The following SP100 variants were observed in gnomAD, a reference collection of about 807,000 sequenced individuals.
SP100 encodes SP100 nuclear body protein.
A neutral mutation model predicts 130.0 loss-of-function variants in SP100; 84 were observed. The ratio of observed to expected loss-of-function variants is 0.65; its 90% confidence interval spans 0.54 to 0.77. The LOEUF is 0.77. Among genes scored for constraint, SP100 ranks in the 30% least tolerant of loss-of-function variants. The probability of loss-of-function intolerance (pLI) is 0.00; values close to 1 mark genes in which losing one functional copy is unlikely to be tolerated. For missense variants in SP100, 978 were observed against 1,052.2 expected (o/e 0.93, Z 0.97); for synonymous variants, 331 against 351.7 (o/e 0.94, Z 0.66).
Position 230,442,919 on chromosome 2 carries a change from G to A in SP100, c.108-18G>A. 6.2e-7 allele frequency: 1 copy of A among 1,607,660 alleles called. No individual in the cohort carries two copies. The highest frequency in any genetic ancestry group is 1.7e-5 in the Admixed American group (1 of 58,454). ...AGAATCTTGATGACCATTTTCACAT[G>A]GTGTCCTTTTTCCCTAGGATGTTCA... On this transcript the variant is annotated intron_variant, in intron 2 of 28. Coordinates refer to ENST00000340126, the MANE Select transcript of SP100 (RefSeq NM_001080391.2).
chr2:230,449,478 A>C, intron 6 of SP100, 83 bp from the exon 7 acceptor site: 2 of 1,475,194 alleles, frequency 1.4e-6, no homozygotes, highest in Non-Finnish European at 1.9e-6. Flanking sequence ...TACGTCCATC[A>C]GTGGCCCGTG....
chr2:230,523,906 T>A (rs1487487067), intron 24 of SP100, among the ~76,000 whole-genome samples: 1 of 150,536 alleles, frequency 6.6e-6, no homozygotes, highest in Admixed American at 6.6e-5. Flanking sequence ...TGAGACTCCA[T>A]CTCAAAAAAA....
intron 19 of SP100, among the ~76,000 whole-genome samples, chr2:230,499,116 C>T (rs2066863511): frequency 6.6e-6 from 1 of 152,152 alleles, no homozygotes; most frequent in Admixed American, 6.5e-5. Context: ...GCCTCTTCCC[C>T]AGTGTCACTG....
chr2:230,521,158 G>A (rs1042672764), intron 24 of SP100, among the ~76,000 whole-genome samples: 1 of 152,126 alleles, frequency 6.6e-6, no homozygotes. Context: ...TTCTCTGCTT[G>A]TCATGTGGAT....
chr2:230,531,505 G>C (rs928804697), intron 24 of SP100, among the ~76,000 whole-genome samples: 2 of 151,710 alleles, frequency 1.3e-5, no homozygotes, highest in Non-Finnish European at 2.9e-5. Context: ...AAACCTGCAC[G>C]TTGTGCACAT....
At chr2:230,534,057 C>T (rs1406047582) in intron 24 of SP100, among the ~76,000 whole-genome samples, 1 of 152,082 alleles carries the variant, frequency 6.6e-6, no homozygotes, top group Non-Finnish European at 1.5e-5. Flanking sequence ...ATTTAGGTGG[C>T]CTCATGCTGT....
intron 2 of SP100, among the ~76,000 whole-genome samples, chr2:230,434,875 A>G (rs550781931): frequency 6.6e-6 from 1 of 152,350 alleles, no homozygotes; most frequent in Admixed American, 6.5e-5. Context: ...GACATGAGCA[A>G]AAGGAGAGGA....
intron 17 of SP100, among the ~76,000 whole-genome samples, chr2:230,486,866 C>T (rs563142784): frequency 3.0e-4 from 45 of 152,318 alleles, no homozygotes; most frequent in African/African-American, 9.6e-4. Context: ...TAATAATTGC[C>T]ATTCTGACTG....
At chr2:230,532,040 T>C (rs1286533885) in intron 24 of SP100, among the ~76,000 whole-genome samples, 1 of 152,182 alleles carries the variant, frequency 6.6e-6, no homozygotes, top group Non-Finnish European at 1.5e-5. Flanking sequence ...GTTCTATGAA[T>C]AGTCATTTTG....
chr2:230,538,313 T>C (rs530670313), intron 24 of SP100: 91 of 152,330 alleles, frequency 6.0e-4, no homozygotes, highest in African/African-American at 2.1e-3. Flanking sequence ...TATTCTTTCT[T>C]GGGGCCCACT....
chr2:230,530,928 G>A (rs1453500430), intron 24 of SP100, among the ~76,000 whole-genome samples: 1 of 152,138 alleles, frequency 6.6e-6, no homozygotes, highest in African/African-American at 2.4e-5. Flanking sequence ...AACAGATGCT[G>A]GAAAGGATGT....
intron 19 of SP100, among the ~76,000 whole-genome samples, chr2:230,499,135 G>A (rs1388828517): frequency 2.6e-5 from 4 of 152,064 alleles, no homozygotes; most frequent in Admixed American, 1.3e-4. Context: ...TGGCTGGAAG[G>A]GTTGGAACAG....
chr2:230,506,412 C>T lies in SP100; in HGVS notation c.1980C>T (p.Arg660=). Residue 660 remains arginine, a synonymous_variant, in exon 22 of 29, where the codon CGC becomes CGT. Transcript: ENST00000340126. The part of the protein sequence containing the change: ...GASKNWKLSI[R]CGGYTLKVLM... ...CCAAGAACTGGAAGCTAAGTATACG[C>T]TGCGGTGGATATACCCTGAAAGTCC... 1 of 1,613,916 alleles carries T rather than the reference C, an allele frequency of 6.2e-7. No homozygotes were observed. Among genetic ancestry groups the T allele is most frequent in the Non-Finnish European group, 8.5e-7 (1 of 1,179,848 alleles).
intron 2 of SP100, among the ~76,000 whole-genome samples, chr2:230,422,237 A>T (rs539695955): frequency 1.6e-4 from 25 of 152,182 alleles, no homozygotes; most frequent in South Asian, 8.3e-4. Context: ...AATTTTTTTT[A>T]AATTTTACGT....
chr2:230,442,770 C>T (rs976393999), intron 2 of SP100, among the ~76,000 whole-genome samples, 167 bp from the exon 3 acceptor site: 4 of 152,172 alleles, frequency 2.6e-5, no homozygotes, highest in Admixed American at 6.5e-5. Flanking sequence ...TCTTCTATTA[C>T]ATCTTTTTTG....
intron 24 of SP100, chr2:230,516,215 T>G: frequency 3.8e-6 from 1 of 266,266 alleles, no homozygotes; most frequent in Non-Finnish European, 5.8e-6. Flanking sequence ...GACACTCTAG[T>G]CAAAGCCTTG....
At chr2:230,498,287 G>C (rs1279974898) in intron 18 of SP100, among the ~76,000 whole-genome samples, 174 bp from the exon 19 acceptor site, 1 of 152,094 alleles carries the variant, frequency 6.6e-6, no homozygotes, top group Non-Finnish European at 1.5e-5. Context: ...GAAAATCTAG[G>C]ATGAACCCAG....
intron 24 of SP100, chr2:230,520,515 G>A (rs1691121857): frequency 6.6e-6 from 1 of 152,142 alleles, no homozygotes; most frequent in African/African-American, 2.4e-5. Context: ...ATTGATTTTG[G>A]GAGGAACTCC....
intron 23 of SP100, 155 bp downstream of exon 23, chr2:230,508,186 G>T (rs1690266456): frequency 1.5e-6 from 2 of 1,298,006 alleles, no homozygotes; most frequent in South Asian, 1.6e-5. Context: ...ATTATTCAAT[G>T]TATAAGTCCA....
Sources: allele counts gnomAD v4.1 joint callset (sites outside exome capture counted in the v4.1 genomes callset), GRCh38; gene constraint gnomAD v4.1.1; transcripts MANE v1.5; gene names NCBI Gene and HGNC (gene_info 2026-07-23, HGNC 2026-07-21).